BAG6: variants seen among roughly 807,000 people sequenced by gnomAD.
The protein encoded by BAG6 is BAG cochaperone 6.
A neutral mutation model predicts 121.0 loss-of-function variants in BAG6; 22 were observed. The observed-to-expected ratio is 0.18, with a 90% CI of 0.13 to 0.26. BAG6 has a LOEUF of 0.26. Among genes scored for constraint, BAG6 ranks in the 10% least tolerant of loss-of-function variants. The pLI is 1.00. For synonymous variants in BAG6, 583 were observed against 584.6 expected, an observed-to-expected ratio of 1.00 and a Z score of 0.04; for missense variants, 1,233 against 1,537.7, an observed-to-expected ratio of 0.80 and a Z score of 3.31.
At chr6:31,652,397 G>T (rs1363948302) in intron 1 of BAG6, 27 bp downstream of exon 1, 1 of 137,742 alleles carries the variant, frequency 7.3e-6, no homozygotes, top group African/African-American at 2.8e-5. Flanking sequence ...CTTCCCCACG[G>T]ACCGTCACTT....
At chr6:31,642,042 T>C in intron 16 of BAG6, 70 bp downstream of exon 16, 1 of 1,594,320 alleles carries the variant, frequency 6.3e-7, no homozygotes, top group Non-Finnish European at 8.6e-7. Flanking sequence ...GCAACACCCC[T>C]AAACCAAGGC....
At chr6:31,651,547 G>GA (rs9279378) in intron 2 of BAG6, 109 bp downstream of exon 2, 997 of 849,838 alleles carry the variant, frequency 1.2e-3, no homozygotes, top group Non-Finnish European at 1.4e-3. Flanking sequence ...TCAAAAAAAA[G>GA]AAAAAAAAAG....
In BAG6 at chr6:31,645,263, T is replaced by C. The variant is rs950201056; in HGVS notation, c.1117-65A>G. 6 of 1,601,772 alleles carry C rather than the reference T, an allele frequency of 3.7e-6. No homozygotes were observed. The African/African-American group carries it at 6.7e-5, about 18-fold the overall frequency. The stretch of plus-strand genomic sequence containing the variant: ...CAAGAGCCTAACCAAGAAAACCTCA[T>C]GATAAACCTCTAAAGTATCTCCAGC... On this transcript the variant is annotated intron_variant, in intron 9 of 25. Coordinates refer to ENST00000676615, the MANE Select transcript of BAG6 (RefSeq NM_001387994.1).
Position 31,640,739 on chromosome 6 carries a change from A to C in BAG6, c.2935-35T>G, listed in dbSNP as rs1781942129. ...TAAAGAACACCATACTTCCTCTCAG[A>C]TCTCTCCAGTTCTCTCAAGTACCCT... On this transcript the variant is annotated intron_variant, in intron 21 of 25. Transcript: ENST00000676615. This position sits in a 1 kb window ranked among gnomAD's most constrained non-coding sequence, Gnocchi z 4.2. 6.2e-7 allele frequency: 1 copy of C among 1,612,710 alleles called. No individual in the cohort carries two copies.
At chr6:31,643,780 C>T (rs1466949363) in intron 14 of BAG6, 110 bp downstream of exon 14, 4 of 912,272 alleles carry the variant, frequency 4.4e-6, no homozygotes, top group Non-Finnish European at 6.6e-6. Context: ...ACTACAGCAG[C>T]CCCATTCCAG....
rs576747637 is a variant in BAG6, at chr6:31,646,322, C to A, written c.918+72G>T. The A allele has an allele frequency of 9.6e-5, 150 of 1,556,760 alleles. 1 individual carries two copies. The highest frequency in any genetic ancestry group is 6.9e-4 in the Admixed American group (37 of 53,600). ...TTTTTCCAGGGAGGGAAAGAGTTAT[C>A]TGCATTTCAGCCTGTTCTGTTTTGG... On this transcript the variant is annotated intron_variant, in intron 8 of 25. Coordinates refer to ENST00000676615, the MANE Select transcript of BAG6 (RefSeq NM_001387994.1).
rs767765376 is a variant in BAG6, at chr6:31,642,349, G to A, written c.2098C>T (p.Pro700Ser). 2.6e-6 allele frequency: 4 copies of A among 1,541,928 alleles called. No individual in the cohort carries two copies. The highest frequency in any genetic ancestry group is 1.2e-5 in the South Asian group (1 of 83,990). Residue 700 changes from proline to serine, a missense_variant, in exon 16 of 26, where the codon CCA (proline) becomes TCA (serine). By Grantham distance (74) the Pro-to-Ser change is moderately conservative. This residue lies in a region of BAG6 where 777 missense variants were observed against 861.4 expected (regional missense o/e 0.90). Coordinates refer to ENST00000676615, the MANE Select transcript of BAG6 (RefSeq NM_001387994.1). ...GGTGGGGGCATGGTCTGCTGCTCTG[G>A]GGCAGGTGGTGGGGGTGGAGGAGGT... ...PPPPPPPPPA[P>S]EQQTMPPPGS...
chr6:31,650,049 C>T (rs1794622426), intron 2 of BAG6, among the ~76,000 whole-genome samples: 1 of 151,674 alleles, frequency 6.6e-6, no homozygotes, highest in Admixed American at 6.6e-5. Flanking sequence ...TGCAGTGAGC[C>T]GAGATCGCAT....
intron 1 of BAG6, 69 bp downstream of exon 1, chr6:31,652,355 A>ACC (rs368810397): frequency 0.037 from 5,438 of 147,310 alleles, 147 homozygotes; most frequent in African/African-American, 0.054. Flanking sequence ...ACACACACAC[A>ACC]CACACCCACC....
chr6:31,642,440 G>A (rs1323980413), intron 15 of BAG6, 37 bp from the exon 16 acceptor site: 3 of 940,620 alleles, frequency 3.2e-6, no homozygotes, highest in Non-Finnish European at 4.9e-6. Context: ...CAGAAAGTGA[G>A]GTGAGAATGA....
Position 31,651,525 on chromosome 6 carries a change from C to T in BAG6, c.108+131G>A, listed in dbSNP as rs1796709143. On this transcript the variant is annotated intron_variant, in intron 2 of 25. Coordinates refer to ENST00000676615, the MANE Select transcript of BAG6 (RefSeq NM_001387994.1). ...CTGCACTCCAGCCTGGAAGACAGGG[C>T]GTGACTCCATCTCAAAAAAAAGAAA... is the stretch of plus-strand genomic sequence containing the variant. The T allele has an allele frequency of 6.7e-6, 5 of 749,308 alleles. No homozygotes were observed. In the South Asian group the frequency reaches 8.6e-5, roughly 13 times the overall value. The allele number at this position is 749,308 out of a possible 1,614,324, so 46.4% of individuals were successfully genotyped here.
In BAG6 at chr6:31,641,794, G is replaced by A. The variant is rs199533243; in HGVS notation, c.2487C>T (p.Pro829=). Residue 829 remains proline (P), a synonymous_variant, in exon 17 of 26, where the codon CCC becomes CCT. Transcript: ENST00000676615. The surrounding 1 kb of genome is among the most constrained non-coding windows in gnomAD (Gnocchi z 5.7). ...FHQHYLGGQE[P]TPSNIRMATH... Reference sequence around the variant, plus strand: ...CATTTACCCGGATGTTACTGGGTGTGGGCTCCTGACCACCCAGGTAGTGCT... The same window carrying A: ...CATTTACCCGGATGTTACTGGGTGTAGGCTCCTGACCACCCAGGTAGTGCT... The A allele has an allele frequency of 1.2e-6, 2 of 1,613,068 alleles. No individual in the cohort carries two copies. The highest frequency in any genetic ancestry group is 2.2e-5 in the East Asian group (1 of 44,894).
chr6:31,641,296 G>T lies in BAG6; in HGVS notation c.2662+24C>A. ...CCTGCACATGCAACAGGCCCCACTTGCCCCCGCCTGGCCAGCCCCTGACCT... is the reference window on the plus strand; with the variant it reads ...CCTGCACATGCAACAGGCCCCACTTTCCCCCGCCTGGCCAGCCCCTGACCT... On this transcript the variant is annotated intron_variant, in intron 19 of 25. Transcript: ENST00000676615. This position sits in a 1 kb window ranked among gnomAD's most constrained non-coding sequence, Gnocchi z 5.7. 2 of 1,613,752 alleles carry T rather than the reference G, an allele frequency of 1.2e-6. No individual in the cohort carries two copies. Among genetic ancestry groups the T allele is most frequent in the Non-Finnish European group, 1.7e-6 (2 of 1,179,678 alleles).
At chr6:31,649,428 TA>T in intron 3 of BAG6, 33 bp from the exon 4 acceptor site, 1 of 1,607,522 alleles carries the variant, frequency 6.2e-7, no homozygotes, top group Non-Finnish European at 8.5e-7. Context: ...CAAAACATAG[TA>T]TGAACAGGTA....
intron 24 of BAG6, 164 bp from the exon 25 acceptor site, chr6:31,639,810 C>G: frequency 2.2e-6 from 2 of 899,632 alleles, no homozygotes; most frequent in Non-Finnish European, 3.3e-6. Context: ...GAAATGCCTT[C>G]CTAATTCTCT....
rs1247641223 is a variant in BAG6 at position 31,644,304 on chromosome 6, T to C, written c.1555+3A>G. 3 of 1,552,274 alleles carry C rather than the reference T, an allele frequency of 1.9e-6. No individual in the cohort carries two copies. The highest frequency in any genetic ancestry group is 2.6e-6 in the Non-Finnish European group (3 of 1,147,390). On this transcript the variant is annotated splice_donor_region_variant and intron_variant, in intron 12 of 25. Transcript: ENST00000676615. The surrounding 1 kb of genome is among the most constrained non-coding windows in gnomAD (Gnocchi z 4.9). The stretch of plus-strand genomic sequence containing the variant: ...TCCCAAGCCTCCCCTTCCAGGTCAT[T>C]ACCTGCGGCCGCGGAGGCAACAGCT...
At chr6:31,645,903 CAA>C (rs915012302) in intron 8 of BAG6, among the ~76,000 whole-genome samples, 10 of 152,196 alleles carry the variant, frequency 6.6e-5, no homozygotes, top group African/African-American at 2.2e-4. Flanking sequence ...GTGCTTACAG[CAA>C]AGATTATCAC....
intron 24 of BAG6, 56 bp from the exon 25 acceptor site, chr6:31,639,702 C>T (rs1465886974): frequency 6.4e-7 from 1 of 1,555,662 alleles, no homozygotes; most frequent in Non-Finnish European, 8.7e-7. Context: ...CCAGTGCCAC[C>T]ATCCGGCTCA....
chr6:31,651,988 G>A (rs1035391296), intron 1 of BAG6: 9 of 505,882 alleles, frequency 1.8e-5, no homozygotes, highest in Non-Finnish European at 2.9e-5. Flanking sequence ...TGGAGGACGA[G>A]AGGTGGGAGG....
Sources: gnomAD v4.1 joint callset for allele counts (sites outside exome capture counted in the v4.1 genomes callset) on GRCh38, gnomAD v4.1.1 for gene constraint, gnomAD v4.1.1 regional missense constraint, Gnocchi (gnomAD v3.1) non-coding constraint, MANE v1.5 for transcripts, NCBI Gene and HGNC (gene_info 2026-07-23, HGNC 2026-07-21) for gene names.